The following NTRK2 variants were observed in gnomAD, a reference collection of about 807,000 sequenced individuals.
NTRK2 encodes BDNF/NT-3 growth factors receptor.
In NTRK2, 13 loss-of-function variants were observed where a neutral mutation model predicts 94.5. The ratio of observed to expected loss-of-function variants is 0.14; its 90% CI spans 0.09 to 0.22. The LOEUF is 0.22. NTRK2 is among the 10% of genes least tolerant of loss of function. The pLI is 1.00. For synonymous variants in NTRK2, 372 were observed against 407.4 expected, an observed-to-expected ratio of 0.91 and a Z score of 1.05; for missense variants, 639 against 1,071.2, an observed-to-expected ratio of 0.60 and a Z score of 5.63.
chr9:84,898,076 A>G (rs1008996320), intron 14 of NTRK2, among the ~76,000 whole-genome samples: 4 of 144,852 alleles, frequency 2.8e-5, no homozygotes, highest in African/African-American at 7.5e-5. Flanking sequence ...TTTTTTTTCT[A>G]TGATATCTGT....
intron 9 of NTRK2, among the ~76,000 whole-genome samples, chr9:84,738,198 G>T (rs2063388687): frequency 1.3e-5 from 2 of 151,524 alleles, no homozygotes; most frequent in Admixed American, 6.5e-5. Context: ...GATTTGATGA[G>T]CACTACTAGG....
intron 2 of NTRK2, among the ~76,000 whole-genome samples, chr9:84,680,909 T>C (rs954102630): frequency 1.3e-5 from 2 of 152,206 alleles, no homozygotes; most frequent in African/African-American, 4.8e-5. Context: ...TGAAACATCC[T>C]TTTCCTTTGG....
At chr9:84,866,742 C>A (rs978206789) in intron 13 of NTRK2, among the ~76,000 whole-genome samples, 1 of 152,122 alleles carries the variant, frequency 6.6e-6, no homozygotes, top group Non-Finnish European at 1.5e-5. Context: ...AAACACGTGT[C>A]CACATAAAAA....
At chr9:84,748,612 A>C (rs1360438393) in intron 11 of NTRK2, among the ~76,000 whole-genome samples, 1 of 152,230 alleles carries the variant, frequency 6.6e-6, no homozygotes, top group Non-Finnish European at 1.5e-5. Flanking sequence ...AAGAGACTGT[A>C]CTGTGGTACT....
chr9:84,879,368 A>G (rs1426975874), intron 14 of NTRK2, among the ~76,000 whole-genome samples: 1 of 152,194 alleles, frequency 6.6e-6, no homozygotes, highest in Non-Finnish European at 1.5e-5. Context: ...GAGGTGTATG[A>G]TACATTTGCT....
intron 2 of NTRK2, among the ~76,000 whole-genome samples, chr9:84,692,950 A>G (rs2060140623): frequency 6.6e-6 from 1 of 152,192 alleles, no homozygotes; most frequent in South Asian, 2.1e-4. Context: ...TGGGCCAGTG[A>G]AAGATCGGAA....
At chr9:84,958,932 G>T (rs1010827308) in intron 17 of NTRK2, among the ~76,000 whole-genome samples, 1 of 152,094 alleles carries the variant, frequency 6.6e-6, no homozygotes, top group Non-Finnish European at 1.5e-5. Context: ...TTTTACAGGA[G>T]AACTCCAGTG....
chr9:84,741,114 G>A (rs1335542581), intron 9 of NTRK2, among the ~76,000 whole-genome samples: 1 of 150,322 alleles, frequency 6.7e-6, no homozygotes, highest in Non-Finnish European at 1.5e-5. Context: ...AGTAGCAAAT[G>A]TTTTTGTTAC....
intron 12 of NTRK2, among the ~76,000 whole-genome samples, chr9:84,770,440 T>G (rs1326673499): frequency 1.3e-5 from 2 of 152,158 alleles, no homozygotes; most frequent in Non-Finnish European, 2.9e-5. Flanking sequence ...TTGCCTGGCT[T>G]CTTCCTCCCC....
At chr9:84,787,918 TG>T (rs1192934812) in intron 12 of NTRK2, among the ~76,000 whole-genome samples, 1 of 152,220 alleles carries the variant, frequency 6.6e-6, no homozygotes, top group East Asian at 1.9e-4. Flanking sequence ...TTACCAAATC[TG>T]TGGCCTTGGT....
chr9:84,831,499 A>G (rs1197013402), intron 12 of NTRK2, among the ~76,000 whole-genome samples: 1 of 152,176 alleles, frequency 6.6e-6, no homozygotes, highest in Non-Finnish European at 1.5e-5. Flanking sequence ...GTGGTCAGTT[A>G]CCCAGGAGAG....
At chr9:84,958,375 C>T (rs111332658) in intron 17 of NTRK2, among the ~76,000 whole-genome samples, 32 of 152,190 alleles carry the variant, frequency 2.1e-4, no homozygotes, top group African/African-American at 7.5e-4. Context: ...AAACACTGGA[C>T]TTTGCCATCT....
At chr9:84,845,415 G>A (rs2131831255) in intron 12 of NTRK2, among the ~76,000 whole-genome samples, 2 of 152,224 alleles carry the variant, frequency 1.3e-5, no homozygotes, top group Admixed American at 1.3e-4. Context: ...AACCCAAAGA[G>A]GAAGAGTAAA....
chr9:84,687,778 C>T (rs1220970445), intron 2 of NTRK2, among the ~76,000 whole-genome samples: 2 of 152,120 alleles, frequency 1.3e-5, no homozygotes, highest in African/African-American at 2.4e-5. Context: ...TGTCTTTGTA[C>T]CTGGTACTTT....
In NTRK2 at chr9:85,021,361, A is replaced by C; in HGVS notation, c.2441A>C (p.Lys814Thr). 1 of 1,614,184 alleles carries C rather than the reference A, an allele frequency of 6.2e-7. No individual in the cohort carries two copies. The highest frequency in any genetic ancestry group is 8.5e-7 in the Non-Finnish European group (1 of 1,180,022). Residue 814 changes from lysine (K) to threonine (T), a missense_variant, in exon 19 of 19, where the codon AAG becomes ACG. This residue lies in a region of NTRK2 where 77 missense variants were observed against 203.6 expected (regional missense o/e 0.38). Transcript: ENST00000277120. ...GCWQREPHMR[K>T]NIKGIHTLLQ... ...TGGCAGCGAGAGCCCCACATGAGGA[A>C]GAACATCAAGGGCATCCATACCCTC...
chr9:84,864,220 C>G (rs1227262118), intron 13 of NTRK2, among the ~76,000 whole-genome samples: 1 of 152,042 alleles, frequency 6.6e-6, no homozygotes, highest in East Asian at 1.9e-4. Context: ...CAACTGGGGT[C>G]AATGCATTTC....
chr9:84,674,268 T>A (rs77613926), intron 2 of NTRK2, among the ~76,000 whole-genome samples: 1,751 of 152,296 alleles, frequency 0.011, 21 homozygotes, highest in African/African-American at 0.04. Context: ...TCTCCAGTGG[T>A]ATTCTCTGAT....
chr9:84,859,402 G>C (rs537094730), intron 12 of NTRK2, among the ~76,000 whole-genome samples: 1 of 152,166 alleles, frequency 6.6e-6, no homozygotes, highest in African/African-American at 2.4e-5. Flanking sequence ...TTGATAACCT[G>C]TATTGAGAAC....
chr9:85,015,472 G>A (rs1367916388), intron 17 of NTRK2, among the ~76,000 whole-genome samples: 6 of 152,200 alleles, frequency 3.9e-5, no homozygotes, highest in Admixed American at 3.9e-4. Context: ...CAGGAAGGTA[G>A]TGAAGACTGA....
Sources: gnomAD v4.1 joint callset for allele counts (sites outside exome capture counted in the v4.1 genomes callset) on GRCh38, gnomAD v4.1.1 for gene constraint, gnomAD v4.1.1 regional missense constraint, MANE v1.5 for transcripts, NCBI Gene and HGNC (gene_info 2026-07-23, HGNC 2026-07-21) for gene names.